The following ZCWPW2 variants were observed in gnomAD, a reference collection of about 807,000 sequenced individuals.
ZCWPW2 encodes the protein zinc finger CW-type and PWWP domain containing 2, also known as zinc finger CW-type PWWP domain protein 2.
A neutral mutation model predicts 46.6 loss-of-function variants in ZCWPW2; 45 were observed. The ratio of observed to expected loss-of-function variants is 0.96; its 90% CI spans 0.76 to 1.24. The LOEUF (loss-of-function observed/expected upper bound fraction) is 1.24, where lower values mean the gene tolerates loss of function less well. Among genes scored for constraint, ZCWPW2 ranks in the 50% most tolerant of loss-of-function variants. The pLI, the probability that ZCWPW2 is intolerant of heterozygous loss-of-function variation, is 0.00. For missense variants in ZCWPW2, 429 were observed against 403.9 expected (o/e 1.06, Z -0.53); for synonymous variants, 152 against 137.1 (o/e 1.11, Z -0.76).
intron 2 of ZCWPW2, among the ~76,000 whole-genome samples, chr3:28,390,908 C>G (rs1201989848): frequency 2.6e-5 from 4 of 152,106 alleles, no homozygotes; most frequent in Non-Finnish European, 5.9e-5. Context: ...AACACTCTAT[C>G]AACATTTGCC....
At chr3:28,382,385 C>T (rs1281100158) in intron 1 of ZCWPW2, among the ~76,000 whole-genome samples, 6 of 152,084 alleles carry the variant, frequency 3.9e-5, no homozygotes. Context: ...ATTTCCTCTT[C>T]TTCCAAGGAC....
At chr3:28,461,836 A>G (rs2125788815) in intron 4 of ZCWPW2, 1 of 152,296 alleles carries the variant, frequency 6.6e-6, no homozygotes, top group Middle Eastern at 3.4e-3. Context: ...AAATTAGGGG[A>G]AAACAATAGG....
At chr3:28,432,656 C>T (rs926746061) in intron 3 of ZCWPW2, among the ~76,000 whole-genome samples, 6 of 152,030 alleles carry the variant, frequency 3.9e-5, no homozygotes, top group Admixed American at 1.3e-4. Flanking sequence ...TAATAATTTA[C>T]ATTGTGCTTT....
intron 4 of ZCWPW2, 147 bp downstream of exon 4, chr3:28,435,416 G>T: frequency 1.5e-6 from 1 of 687,962 alleles, no homozygotes; most frequent in Non-Finnish European, 2.1e-6. Context: ...TGTATTTTTA[G>T]TGTTTTTCTC....
intron 4 of ZCWPW2, among the ~76,000 whole-genome samples, chr3:28,470,508 A>AG (rs1559517986): frequency 6.7e-6 from 1 of 148,916 alleles, no homozygotes; most frequent in Non-Finnish European, 1.5e-5. Flanking sequence ...AAAAAAAAAA[A>AG]AAAAGGAAGG....
rs11426112 is a variant in ZCWPW2, at chr3:28,493,150, G to GTT, written c.657+987_657+988dup. 1.6e-3 allele frequency among the ~76,000 whole-genome samples: 130 copies of GTT among 82,080 alleles called. 1 individual carries two copies. Among genetic ancestry groups the GTT allele is most frequent in the Middle Eastern group, 7.5e-3 (1 of 134 alleles). The allele number at this position is 82,080 out of a possible 152,430, so 53.8% of individuals were successfully genotyped here. On this transcript the variant is annotated intron_variant, in intron 6 of 9. Transcript: ENST00000383768. The stretch of plus-strand genomic sequence containing the variant: ...TTTTTTTTATTTTATTTTTTTTAAT[G>GTT]TTTTTTTTTTTATTATACTTTAAGT...
chr3:28,387,786 C>T (rs992349702), intron 1 of ZCWPW2, among the ~76,000 whole-genome samples: 16 of 152,084 alleles, frequency 1.1e-4, no homozygotes, highest in African/African-American at 2.9e-4. Flanking sequence ...ACTTTTTTGG[C>T]GCTCTGGAAT....
intron 4 of ZCWPW2, among the ~76,000 whole-genome samples, chr3:28,469,057 A>G (rs994801922): frequency 6.6e-6 from 1 of 152,164 alleles, no homozygotes; most frequent in Non-Finnish European, 1.5e-5. Flanking sequence ...GAAACAATAA[A>G]AAGTTAAAAA....
intron 1 of ZCWPW2, among the ~76,000 whole-genome samples, chr3:28,376,642 G>A (rs1032257962): frequency 2.0e-5 from 3 of 152,090 alleles, no homozygotes; most frequent in Non-Finnish European, 4.4e-5. Flanking sequence ...TTCATCCTCA[G>A]ATTTCAGTTC....
chr3:28,476,259 CT>C (rs1269803997), intron 4 of ZCWPW2, among the ~76,000 whole-genome samples: 5 of 151,808 alleles, frequency 3.3e-5, no homozygotes, highest in African/African-American at 1.2e-4. Context: ...CACCTTATCC[CT>C]TCTTCAATTA....
chr3:28,414,079 C>G (rs993934588), intron 3 of ZCWPW2, among the ~76,000 whole-genome samples: 6 of 151,730 alleles, frequency 4.0e-5, no homozygotes, highest in African/African-American at 1.5e-4. Flanking sequence ...TAAATTATAA[C>G]CTATTATATT....
chr3:28,522,168 A>G (rs560344585), intron 9 of ZCWPW2, among the ~76,000 whole-genome samples: 1 of 152,322 alleles, frequency 6.6e-6, no homozygotes, highest in Non-Finnish European at 1.5e-5. Flanking sequence ...AATGTAAATG[A>G]CAAGTTAATG....
chr3:28,366,907 C>T (rs1705138030), intron 1 of ZCWPW2, among the ~76,000 whole-genome samples: 1 of 152,176 alleles, frequency 6.6e-6, no homozygotes, highest in African/African-American at 2.4e-5. Context: ...TCCATTTCTT[C>T]TAGATTTTCT....
intron 1 of ZCWPW2, among the ~76,000 whole-genome samples, chr3:28,372,756 T>C (rs1705375394): frequency 6.6e-6 from 1 of 152,130 alleles, no homozygotes. Context: ...AGGCAATTTT[T>C]CAGCCCTCAC....
At chr3:28,455,866 G>C (rs151078025) in intron 4 of ZCWPW2, among the ~76,000 whole-genome samples, 2 of 151,940 alleles carry the variant, frequency 1.3e-5, no homozygotes, top group Non-Finnish European at 2.9e-5. Flanking sequence ...TACCAGTACC[G>C]TGCTGTTTTG....
chr3:28,478,861 AG>A lies in ZCWPW2; in HGVS notation c.541del (p.Glu181LysfsTer63), dbSNP rs1162799285. The stretch of plus-strand genomic sequence containing the variant: ...AGAAGTGGTATAAAAGTGCACTACA[AG>A]AAGCATGTCTACTCTATGGATATTC... ...KKKWYKSALQEACLLYGYSHE... is the reference protein window; with the variant it reads ...KKKWYKSALQXACLLYGYSHE... On this transcript the variant is annotated frameshift_variant, in exon 5 of 10. Transcript: ENST00000383768. LOFTEE classifies it high-confidence loss of function. The A allele has an allele frequency of 6.3e-7, 1 of 1,586,056 alleles. No homozygotes were observed. The highest frequency in any genetic ancestry group is 1.4e-5 in the African/African-American group (1 of 73,688).
At chr3:28,383,323 C>A (rs1695163779) in intron 1 of ZCWPW2, among the ~76,000 whole-genome samples, 1 of 152,044 alleles carries the variant, frequency 6.6e-6, no homozygotes, top group African/African-American at 2.4e-5. Context: ...AAAAATAAAA[C>A]ATGCAAGTCT....
intron 4 of ZCWPW2, among the ~76,000 whole-genome samples, chr3:28,453,825 TTA>T (rs1698318349): frequency 2.0e-5 from 3 of 146,884 alleles, no homozygotes; most frequent in African/African-American, 7.6e-5. Context: ...ATTTATTTAT[TTA>T]TTTATTTTTA....
At chr3:28,421,313 G>A (rs1326413426) in intron 3 of ZCWPW2, among the ~76,000 whole-genome samples, 1 of 152,144 alleles carries the variant, frequency 6.6e-6, no homozygotes, top group Non-Finnish European at 1.5e-5. Context: ...ATTAACCCTG[G>A]AAGGTGGTAA....
Sources: gnomAD v4.1 joint callset for allele counts (sites outside exome capture counted in the v4.1 genomes callset) on GRCh38, gnomAD v4.1.1 for gene constraint, MANE v1.5 for transcripts, NCBI Gene and HGNC (gene_info 2026-07-23, HGNC 2026-07-21) for gene names.